GPC6: variants seen among roughly 807,000 people sequenced by gnomAD.
GPC6 encodes the protein glypican 6.
A neutral mutation model predicts 55.2 loss-of-function variants in GPC6; 14 were observed. The observed-to-expected ratio is 0.25, with a 90% confidence interval of 0.17 to 0.40. GPC6 has a LOEUF of 0.40. Among genes scored for constraint, GPC6 ranks in the 10% least tolerant of loss-of-function variants. The pLI is 1.00. For synonymous variants in GPC6, 278 were observed against 259.6 expected, an observed-to-expected ratio of 1.07 and a Z score of -0.68; for missense variants, 641 against 708.5, an observed-to-expected ratio of 0.90 and a Z score of 1.08.
In GPC6 at chr13:94,386,300, C is replaced by T. The variant is rs1880404119; in HGVS notation, c.1289+3750C>T. Among the ~76,000 whole-genome samples the T allele has an allele frequency of 4.0e-5, 6 of 149,976 alleles. No individual in the cohort carries two copies. In the South Asian group the frequency reaches 1.3e-3, roughly 31 times the overall value. On this transcript the variant is annotated intron_variant, in intron 7 of 8. Coordinates refer to ENST00000377047, the MANE Select transcript of GPC6 (RefSeq NM_005708.5). ...GCATGAGCCTGGGAGGCAGAGCTTG[C>T]AGTGAGCAGAGATCACACCACTGCA...
At chr13:94,335,394 C>A (rs1877628855) in intron 6 of GPC6, among the ~76,000 whole-genome samples, 1 of 152,264 alleles carries the variant, frequency 6.6e-6, no homozygotes, top group Admixed American at 6.5e-5. Flanking sequence ...GGGTGGTACA[C>A]CTTGATATAT....
At chr13:94,125,120 G>C (rs1198287523) in intron 4 of GPC6, among the ~76,000 whole-genome samples, 1 of 152,094 alleles carries the variant, frequency 6.6e-6, no homozygotes, top group Admixed American at 6.5e-5. Context: ...TCTCTGATAA[G>C]TAAATTACTT....
intron 1 of GPC6, among the ~76,000 whole-genome samples, chr13:93,445,678 C>T (rs1254415872): frequency 6.6e-6 from 1 of 152,182 alleles, no homozygotes; most frequent in Non-Finnish European, 1.5e-5. Context: ...GTCATCCATT[C>T]TGGATGTGAA....
At chr13:93,639,997 T>A (rs75697088) in intron 2 of GPC6, among the ~76,000 whole-genome samples, 291 of 152,276 alleles carry the variant, frequency 1.9e-3, no homozygotes, top group African/African-American at 6.3e-3. Context: ...TCATTTATAC[T>A]CATCACTACT....
rs368126154 is a variant in GPC6, at chr13:93,447,602, T to C, written c.161-97661T>C. On this transcript the variant is annotated intron_variant, in intron 1 of 8. Coordinates refer to ENST00000377047, the MANE Select transcript of GPC6 (RefSeq NM_005708.5). ...TCCCCAAATGAGCATTTCTATTAAA[T>C]ATTCAAAACTCAAACTTAAAATGAT... Among the ~76,000 whole-genome samples, 25 of 152,308 alleles carry C rather than the reference T, an allele frequency of 1.6e-4. No individual in the cohort carries two copies. In the East Asian group the frequency reaches 2.3e-3, roughly 14 times the overall value.
chr13:94,139,497 T>C (rs1887298416), intron 4 of GPC6, among the ~76,000 whole-genome samples: 2 of 152,184 alleles, frequency 1.3e-5, no homozygotes, highest in East Asian at 1.9e-4. Context: ...TTCTGTCATC[T>C]TGCTTCTGCC....
chr13:94,380,491 C>G (rs538391812), intron 6 of GPC6, among the ~76,000 whole-genome samples: 1 of 152,170 alleles, frequency 6.6e-6, no homozygotes, highest in South Asian at 2.1e-4. Context: ...AAATTTTATA[C>G]TCTTCATCTA....
intron 1 of GPC6, among the ~76,000 whole-genome samples, chr13:93,453,972 G>A (rs955677519): frequency 3.3e-5 from 5 of 152,130 alleles, no homozygotes; most frequent in African/African-American, 1.2e-4. Context: ...TGGTAGAGCG[G>A]AGTGGTCTGT....
intron 2 of GPC6, among the ~76,000 whole-genome samples, chr13:93,691,418 A>G (rs1406933581): frequency 6.7e-6 from 1 of 149,820 alleles, no homozygotes; most frequent in Non-Finnish European, 1.5e-5. Context: ...TTATCTTTAA[A>G]CTCCTCTGTA....
rs1036733612 is a variant in GPC6, at chr13:93,796,194, GA to G, written c.320-33951del. Among the ~76,000 whole-genome samples, 16 of 141,600 alleles carry G rather than the reference GA, an allele frequency of 1.1e-4. No individual in the cohort carries two copies. In the South Asian group the frequency reaches 3.2e-3, roughly 28 times the overall value. The allele number at this position is 141,600 out of a possible 152,430, so 92.9% of individuals were successfully genotyped here. A position where few individuals can be genotyped will look rare whatever the true frequency, so the allele number is the denominator to read the frequency against. On this transcript the variant is annotated intron_variant, in intron 2 of 8. Transcript: ENST00000377047. ...CTGGGTGACACAGTGAGACCCTGTT[GA>G]AAAAAAAAGGTAAAAAATCAAGGGA... is the stretch of plus-strand genomic sequence containing the variant.
At chr13:93,637,390 A>C (rs1879743718) in intron 2 of GPC6, among the ~76,000 whole-genome samples, 1 of 152,178 alleles carries the variant, frequency 6.6e-6, no homozygotes, top group Non-Finnish European at 1.5e-5. Context: ...GTGATTAGTA[A>C]GGCAGAGATG....
chr13:94,228,479 C>T (rs1476822382), intron 4 of GPC6, among the ~76,000 whole-genome samples: 1 of 152,092 alleles, frequency 6.6e-6, no homozygotes, highest in African/African-American at 2.4e-5. Context: ...ATTCTAGAAA[C>T]TATATTTTAG....
At chr13:93,418,526 A>G (rs376779517) in intron 1 of GPC6, among the ~76,000 whole-genome samples, 1 of 151,464 alleles carries the variant, frequency 6.6e-6, no homozygotes, top group East Asian at 1.9e-4. Context: ...CCATAGTATT[A>G]TTTTATTAAT....
intron 1 of GPC6, among the ~76,000 whole-genome samples, chr13:93,523,214 T>C (rs116044970): frequency 0.067 from 9,841 of 146,734 alleles, 817 homozygotes; most frequent in African/African-American, 0.2. Context: ...TGTATATGTA[T>C]ATATGGGTAC....
chr13:93,316,687 A>T (rs1273432504), intron 1 of GPC6, among the ~76,000 whole-genome samples: 1 of 152,082 alleles, frequency 6.6e-6, no homozygotes, highest in Non-Finnish European at 1.5e-5. Context: ...AACACCTACA[A>T]ATATTTAATT....
At chr13:93,676,341 C>T (rs1303592560) in intron 2 of GPC6, among the ~76,000 whole-genome samples, 2 of 151,040 alleles carry the variant, frequency 1.3e-5, no homozygotes, top group African/African-American at 4.9e-5. Flanking sequence ...CTCTTGAACC[C>T]GGGTAGCAGA....
At chr13:93,290,238 G>T (rs574442777) in intron 1 of GPC6, among the ~76,000 whole-genome samples, 5 of 152,222 alleles carry the variant, frequency 3.3e-5, no homozygotes, top group South Asian at 2.1e-4. Context: ...AAGGACAAAT[G>T]CAGGCAGTGG....
At chr13:93,932,275 G>A (rs1237721075) in intron 3 of GPC6, among the ~76,000 whole-genome samples, 1 of 151,964 alleles carries the variant, frequency 6.6e-6, no homozygotes. Flanking sequence ...AAAATGAATA[G>A]GCTAGTCAAA....
Position 94,340,753 on chromosome 13 carries a change from C to A in GPC6, c.1152+34630C>A, listed in dbSNP as rs116425176. Among the ~76,000 whole-genome samples the A allele has an allele frequency of 2.9e-3, 440 of 150,786 alleles. 4 individuals are homozygous for A. The highest frequency in any genetic ancestry group is 0.01 in the African/African-American group (429 of 40,954). On this transcript the variant is annotated intron_variant, in intron 6 of 8. Transcript: ENST00000377047. The stretch of plus-strand genomic sequence containing the variant: ...GTATTAACAGTTTCATAAATGGAGA[C>A]AAAGAACACTCGTTTCTTTTCGTTT...
Sources: gnomAD v4.1 joint callset for allele counts (sites outside exome capture counted in the v4.1 genomes callset) on GRCh38, gnomAD v4.1.1 for gene constraint, MANE v1.5 for transcripts, NCBI Gene and HGNC (gene_info 2026-07-23, HGNC 2026-07-21) for gene names.